Variants in DHX34 observed in about 807,000 individuals in gnomAD.
The protein encoded by DHX34 is DExH-box helicase 34.
Under a neutral mutation model 111.1 loss-of-function variants are expected in DHX34, and 96 were observed. That is an observed-to-expected ratio of 0.86 (90% CI 0.73 to 1.02). DHX34 has a LOEUF of 1.02. DHX34 is among the 50% of genes least tolerant of loss of function. The pLI is 0.00. For missense variants in DHX34, 1,560 were observed against 1,579.9 expected, an observed-to-expected ratio of 0.99 and a Z score of 0.21; for synonymous variants, 688 against 670.4, an observed-to-expected ratio of 1.03 and a Z score of -0.41.
chr19:47,381,427 G>T, intron 16 of DHX34, 103 bp downstream of exon 16: 2 of 1,476,808 alleles, frequency 1.4e-6, no homozygotes, highest in East Asian at 2.4e-5. Flanking sequence ...TTCGAGGACT[G>T]ACGACCTCCA....
At chr19:47,373,782 C>T in intron 9 of DHX34, 82 bp downstream of exon 9, 3 of 1,513,900 alleles carry the variant, frequency 2.0e-6, no homozygotes, top group Non-Finnish European at 2.7e-6. Flanking sequence ...CTTCCCCTTC[C>T]CAGACAGTGG....
At chr19:47,375,040 C>T (rs1970091224) in intron 9 of DHX34, among the ~76,000 whole-genome samples, 1 of 152,184 alleles carries the variant, frequency 6.6e-6, no homozygotes, top group African/African-American at 2.4e-5. Context: ...CGAGCCCCCT[C>T]CTCTCTCCAC....
rs1343570814 is a variant in DHX34 at position 47,367,004 on chromosome 19, C to T, written c.1617C>T (p.Asp539=). The T allele has an allele frequency of 2.6e-6, 4 of 1,558,888 alleles. No individual in the cohort carries two copies. The African/African-American group carries it at 4.1e-5, about 16-fold the overall frequency. Residue 539 remains aspartate (D), a synonymous_variant, in exon 7 of 17, where the codon GAC becomes GAT. Coordinates refer to ENST00000328771, the MANE Select transcript of DHX34 (RefSeq NM_014681.6). ...AGATGAAGAGCATGAGTGTGGGGGA[C>T]CCCCGAACCTTCCCCTTCATCGAGC... is the stretch of plus-strand genomic sequence containing the variant. ...VLQMKSMSVG[D]PRTFPFIEPP... is the part of the protein sequence containing the mutation.
intron 5 of DHX34, among the ~76,000 whole-genome samples, chr19:47,361,329 G>A (rs895428438): frequency 2.0e-5 from 3 of 151,900 alleles, no homozygotes; most frequent in Admixed American, 2.0e-4. Context: ...ATGGTAGTGC[G>A]TGCTTGTAGT....
intron 4 of DHX34, among the ~76,000 whole-genome samples, chr19:47,358,479 G>A (rs1399726899): frequency 6.7e-6 from 1 of 150,244 alleles, no homozygotes; most frequent in Admixed American, 6.6e-5. Flanking sequence ...TTTGAAACAG[G>A]GTCTTGCTCT....
intron 2 of DHX34, among the ~76,000 whole-genome samples, chr19:47,354,215 G>T (rs527667825): frequency 1.3e-5 from 2 of 152,200 alleles, no homozygotes; most frequent in South Asian, 4.1e-4. Flanking sequence ...CACCCACTTC[G>T]GCCTCCCAAA....
At position 47,352,961 on chromosome 19, in the gene DHX34, C is replaced by G; in HGVS notation, c.-70C>G. On this transcript the variant is annotated 5_prime_UTR_variant, in exon 2 of 17. Coordinates refer to ENST00000328771, the MANE Select transcript of DHX34 (RefSeq NM_014681.6). ...CAGGCACTGGCCTCTTAAATTGTTG[C>G]AGGTGGGGAATGGATGAGAATATTT... The G allele has an allele frequency of 1.3e-6, 2 of 1,514,388 alleles. No homozygotes were observed. The highest frequency in any genetic ancestry group is 1.4e-5 in the African/African-American group (1 of 71,954). The allele number at this position is 1,514,388 out of a possible 1,614,324, so 93.8% of individuals were successfully genotyped here.
chr19:47,375,812 G>C (rs949923771), intron 10 of DHX34, 104 bp downstream of exon 10: 4 of 1,548,040 alleles, frequency 2.6e-6, no homozygotes, highest in Non-Finnish European at 3.5e-6. Flanking sequence ...TCAGGAGCCG[G>C]GTTTCCATGG....
chr19:47,361,268 G>T (rs1411937184), intron 5 of DHX34, among the ~76,000 whole-genome samples: 1 of 151,734 alleles, frequency 6.6e-6, no homozygotes, highest in Non-Finnish European at 1.5e-5. Flanking sequence ...GACCAGCCTG[G>T]ACAACATGGT....
rs58164248 is a variant in DHX34, at chr19:47,360,669, T to TTTGTTGTTG, written c.1375+626_1375+634dup. 8.6e-4 allele frequency among the ~76,000 whole-genome samples: 128 copies of TTTGTTGTTG among 149,118 alleles called. 1 individual carries two copies. Among genetic ancestry groups the TTTGTTGTTG allele is most frequent in the African/African-American group, 2.1e-3 (84 of 39,312 alleles). ...TCATATGAGGGGGATTGACATTCTG[T>TTTGTTGTTG]TTGTTGTTGTTGTTGTTGTTGTTGT... On this transcript the variant is annotated intron_variant, in intron 5 of 16. Transcript: ENST00000328771.
chr19:47,382,207 C>T lies in DHX34; in HGVS notation c.*94C>T. ...CTCTTGCCTGAACCCCCAGCCTGGG[C>T]TTAGCCCTGTGGTCCTGTCCCAGTG... On this transcript the variant is annotated 3_prime_UTR_variant, in exon 17 of 17. Coordinates refer to ENST00000328771, the MANE Select transcript of DHX34 (RefSeq NM_014681.6). 1 of 1,540,764 alleles carries T rather than the reference C, an allele frequency of 6.5e-7. No individual in the cohort carries two copies. Among genetic ancestry groups the T allele is most frequent in the Non-Finnish European group, 8.7e-7 (1 of 1,147,108 alleles).
chr19:47,370,096 C>T (rs1200988779), intron 7 of DHX34, among the ~76,000 whole-genome samples: 3 of 152,144 alleles, frequency 2.0e-5, no homozygotes, highest in Non-Finnish European at 1.5e-5. Context: ...CTGCAGATGC[C>T]ACCACCAGAG....
At chr19:47,378,656 T>G (rs744734) in intron 13 of DHX34, among the ~76,000 whole-genome samples, 61 of 145,608 alleles carry the variant, frequency 4.2e-4, no homozygotes, top group African/African-American at 1.4e-3. Context: ...ATAGGGAGAC[T>G]CTATCTATCT....
chr19:47,372,996 C>T (rs1207108276), intron 8 of DHX34, 73 bp downstream of exon 8: 28 of 1,471,474 alleles, frequency 1.9e-5, no homozygotes, highest in Non-Finnish European at 2.5e-5. Context: ...TGTGGCTCCT[C>T]CTCGTGTCCC....
chr19:47,381,855 A>C, intron 16 of DHX34, 125 bp from the exon 17 acceptor site: 1 of 1,509,020 alleles, frequency 6.6e-7, no homozygotes, highest in Non-Finnish European at 8.8e-7. Context: ...TTCCTGGAGG[A>C]GGCAAAACTG....
chr19:47,359,083 G>C (rs1234239764), intron 4 of DHX34, among the ~76,000 whole-genome samples: 3 of 152,202 alleles, frequency 2.0e-5, no homozygotes, highest in Non-Finnish European at 4.4e-5. Flanking sequence ...AGAGATCTGA[G>C]GGGAAGCTGG....
intron 13 of DHX34, 126 bp from the exon 14 acceptor site, chr19:47,379,584 C>T (rs1399014165): frequency 1.3e-5 from 19 of 1,475,888 alleles, no homozygotes; most frequent in South Asian, 7.0e-5. Context: ...GGGTAGATGG[C>T]GGGTAGGTGG....
At chr19:47,360,740 T>A (rs1056382847) in intron 5 of DHX34, among the ~76,000 whole-genome samples, 1 of 151,948 alleles carries the variant, frequency 6.6e-6, no homozygotes, top group Non-Finnish European at 1.5e-5. Flanking sequence ...CAGACTGGAG[T>A]GCAATGGTGC....
chr19:47,358,082 C>T lies in DHX34; in HGVS notation c.1234C>T (p.Pro412Ser), dbSNP rs760833601. The change falls in exon 4 of 17, where the codon CCA becomes TCA. Residue 412 changes from proline (P) to serine (S), a missense_variant. Pro to Ser is a moderately conservative substitution (Grantham distance 74). Transcript: ENST00000328771. ...ASHTQRWVVL[P>S]LHSALSVADQ... The stretch of plus-strand genomic sequence containing the variant: ...CCACACCCAGCGCTGGGTGGTACTG[C>T]CACTGCACAGCGCCCTGTCTGTGGC... 4 of 1,612,032 alleles carry T rather than the reference C, an allele frequency of 2.5e-6. No homozygotes were observed. The highest frequency in any genetic ancestry group is 2.2e-5 in the South Asian group (2 of 91,052).
Sources: gnomAD v4.1 joint callset for allele counts (sites outside exome capture counted in the v4.1 genomes callset) on GRCh38, gnomAD v4.1.1 for gene constraint, MANE v1.5 for transcripts, NCBI Gene and HGNC (gene_info 2026-07-23, HGNC 2026-07-21) for gene names.